NRG3: variants seen among roughly 807,000 people sequenced by gnomAD.
NRG3 encodes the protein neuregulin 3, also known as pro-neuregulin-3, membrane-bound isoform.
A neutral mutation model predicts 66.9 loss-of-function variants in NRG3; 31 were observed. The observed-to-expected ratio is 0.46, with a 90% CI of 0.35 to 0.63. The LOEUF (loss-of-function observed/expected upper bound fraction) is 0.63. Ranked by LOEUF, NRG3 falls within the 20% of genes least tolerant of loss-of-function variation. NRG3 has a pLI of 0.00. For missense variants in NRG3, 910 were observed against 878.9 expected, an observed-to-expected ratio of 1.04 and a Z score of -0.45; for synonymous variants, 393 against 359.4, an observed-to-expected ratio of 1.09 and a Z score of -1.06.
At chr10:82,966,649 G>A (rs900277934) in intron 6 of NRG3, among the ~76,000 whole-genome samples, 1 of 152,086 alleles carries the variant, frequency 6.6e-6, no homozygotes, top group Non-Finnish European at 1.5e-5. Context: ...GGGAGTTACG[G>A]TCTTCTTTCC....
At chr10:82,193,991 T>A (rs1389487074) in intron 1 of NRG3, among the ~76,000 whole-genome samples, 1 of 152,126 alleles carries the variant, frequency 6.6e-6, no homozygotes, top group Non-Finnish European at 1.5e-5. Context: ...GAGGAAGAAT[T>A]GGCAAAGAAA....
At chr10:82,831,048 G>C (rs1438674348) in intron 3 of NRG3, among the ~76,000 whole-genome samples, 3 of 152,080 alleles carry the variant, frequency 2.0e-5, no homozygotes, top group African/African-American at 7.2e-5. Flanking sequence ...ATTAATTTAC[G>C]TCTTGCTCAA....
At chr10:82,491,775 T>C (rs1037673186) in intron 2 of NRG3, among the ~76,000 whole-genome samples, 4 of 152,186 alleles carry the variant, frequency 2.6e-5, no homozygotes, top group African/African-American at 9.6e-5. Flanking sequence ...CTGAATCAGC[T>C]TTTACTTATC....
intron 6 of NRG3, among the ~76,000 whole-genome samples, chr10:82,969,867 G>C (rs1257612065): frequency 6.6e-6 from 1 of 152,038 alleles, no homozygotes; most frequent in Non-Finnish European, 1.5e-5. Flanking sequence ...TACAAAATCT[G>C]TATATATATA....
chr10:82,390,283 T>C (rs1477223716), intron 2 of NRG3, among the ~76,000 whole-genome samples: 1 of 152,126 alleles, frequency 6.6e-6, no homozygotes, highest in Non-Finnish European at 1.5e-5. Context: ...TTAGGTGATA[T>C]GATTTAGGGG....
At chr10:82,840,395 G>A (rs939235146) in intron 3 of NRG3, among the ~76,000 whole-genome samples, 2 of 150,242 alleles carry the variant, frequency 1.3e-5, no homozygotes, top group African/African-American at 2.5e-5. Flanking sequence ...ACATTATAGC[G>A]TGCATGTTCA....
At chr10:82,462,992 C>T (rs537186074) in intron 2 of NRG3, among the ~76,000 whole-genome samples, 1 of 152,264 alleles carries the variant, frequency 6.6e-6, no homozygotes, top group East Asian at 1.9e-4. Flanking sequence ...ATTCTTTAAT[C>T]TCTTCATTAT....
chr10:82,668,855 A>G (rs1391027688), intron 2 of NRG3, among the ~76,000 whole-genome samples: 1 of 152,172 alleles, frequency 6.6e-6, no homozygotes, highest in Non-Finnish European at 1.5e-5. Context: ...GTCTGCCTTT[A>G]CATTATAGAT....
intron 1 of NRG3, among the ~76,000 whole-genome samples, chr10:82,125,761 C>T (rs2068405206): frequency 6.6e-6 from 1 of 151,906 alleles, no homozygotes; most frequent in South Asian, 2.1e-4. Flanking sequence ...TCCAATGTCC[C>T]CGGCTCACTA....
Position 82,132,516 on chromosome 10 carries a change from GATATATATGAT to G in NRG3, c.824-226203_824-226193del, listed in dbSNP as rs1554831260. ...TGATATATATATATCATATATATATGATATATATGATATATATATGATATATATATATCTTT... is the reference window on the plus strand; with the variant it reads ...TGATATATATATATCATATATATATGATATATATGATATATATATATCTTT... On this transcript the variant is annotated intron_variant, in intron 1 of 8. Transcript: ENST00000372141. Among the ~76,000 whole-genome samples, 2 of 11,842 alleles carry G rather than the reference GATATATATGAT, an allele frequency of 1.7e-4. 1 individual carries two copies. Among genetic ancestry groups the G allele is most frequent in the African/African-American group, 7.6e-4 (2 of 2,630 alleles). 7.8% of individuals were successfully genotyped at this position (11,842 alleles called of 152,430 possible).
At chr10:81,963,516 C>T (rs923977785) in intron 1 of NRG3, among the ~76,000 whole-genome samples, 2 of 152,124 alleles carry the variant, frequency 1.3e-5, no homozygotes, top group Admixed American at 1.3e-4. Flanking sequence ...TTGAATTTAA[C>T]GATTACACCT....
chr10:82,919,121 CAAGT>C (rs1285458937), intron 4 of NRG3, among the ~76,000 whole-genome samples: 2 of 149,728 alleles, frequency 1.3e-5, no homozygotes, highest in African/African-American at 4.9e-5. Context: ...GTTCCTATTA[CAAGT>C]AATAAATGAA....
chr10:81,958,928 A>G (rs1850095470), intron 1 of NRG3, among the ~76,000 whole-genome samples: 1 of 152,040 alleles, frequency 6.6e-6, no homozygotes, highest in Non-Finnish European at 1.5e-5. Context: ...CCAGATATAC[A>G]GTCTATGTGG....
intron 2 of NRG3, among the ~76,000 whole-genome samples, chr10:82,683,159 C>T (rs1247395621): frequency 1.3e-5 from 2 of 151,776 alleles, no homozygotes; most frequent in Non-Finnish European, 2.9e-5. Context: ...GGGGTTTCAC[C>T]GTGTTAGCCA....
intron 2 of NRG3, among the ~76,000 whole-genome samples, chr10:82,488,160 G>T (rs1842833726): frequency 6.6e-6 from 1 of 152,146 alleles, no homozygotes; most frequent in Admixed American, 6.5e-5. Flanking sequence ...TCAAGACCAT[G>T]GTAAACCAGG....
At chr10:82,439,080 G>C (rs1036688579) in intron 2 of NRG3, among the ~76,000 whole-genome samples, 2 of 151,926 alleles carry the variant, frequency 1.3e-5, no homozygotes, top group Non-Finnish European at 2.9e-5. Context: ...GGGCTTATTT[G>C]TCCAATTCTA....
chr10:82,794,206 G>A (rs962541847), intron 3 of NRG3, among the ~76,000 whole-genome samples: 12 of 151,954 alleles, frequency 7.9e-5, no homozygotes, highest in Admixed American at 7.2e-4. Context: ...ATTCATAATG[G>A]CATCAATTTT....
intron 3 of NRG3, among the ~76,000 whole-genome samples, chr10:82,801,470 T>C (rs2061035123): frequency 6.6e-6 from 1 of 152,252 alleles, no homozygotes; most frequent in South Asian, 2.1e-4. Context: ...TTAAGGCCAG[T>C]AGCAGATTGC....
intron 1 of NRG3, among the ~76,000 whole-genome samples, chr10:82,333,912 G>A (rs1483381092): frequency 1.3e-5 from 2 of 151,958 alleles, no homozygotes; most frequent in African/African-American, 2.4e-5. Context: ...GATGGGAGCC[G>A]GGGGCGGTGA....
Sources: allele counts gnomAD v4.1 joint callset (sites outside exome capture counted in the v4.1 genomes callset), GRCh38; gene constraint gnomAD v4.1.1; transcripts MANE v1.5; gene names NCBI Gene and HGNC (gene_info 2026-07-23, HGNC 2026-07-21).